The following STMN1 variants were observed in gnomAD, a reference collection of about 807,000 sequenced individuals.
STMN1 encodes the protein stathmin 1.
STMN1 carries 3 observed loss-of-function variants against 19.7 expected under a neutral mutation model. That is an observed-to-expected ratio of 0.15 (90% CI 0.07 to 0.39). The LOEUF is 0.39. STMN1 is among the 10% of genes least tolerant of loss of function. STMN1 has a pLI of 1.00. For missense variants in STMN1, 99 were observed against 176.0 expected (o/e 0.56, Z 2.48); for synonymous variants, 59 against 58.9 (o/e 1.00, Z -0.01).
In STMN1 at chr1:25,903,675, T is replaced by A; in HGVS notation, c.152A>T (p.Gln51Leu). 1 of 1,613,364 alleles carries A rather than the reference T, an allele frequency of 6.2e-7. No homozygotes were observed. The highest frequency in any genetic ancestry group is 8.5e-7 in the Non-Finnish European group (1 of 1,179,992). ...KKKDLSLEEI[Q>L]KKLEAAEERR... ...TTCTTCTGCAGCTTCTAATTTCTTC[T>A]GAATTTCCTCCAGGGAAAGATCCTT... is the stretch of plus-strand genomic sequence containing the variant. Residue 51 changes from glutamine to leucine, a missense_variant, in exon 3 of 5, where the codon CAG becomes CTG. Physicochemically the swap from Gln to Leu is moderately radical, Grantham distance 113 (BLOSUM62 -2). Around this residue, in one of 3 missense-constraint regions of STMN1, gnomAD observed 37 missense variants for 57.9 expected, o/e 0.64. Coordinates refer to ENST00000455785, the MANE Select transcript of STMN1 (RefSeq NM_005563.4).
chr1:25,888,820 T>C (rs183193884), intron 4 of STMN1: 32 of 251,884 alleles, frequency 1.3e-4, no homozygotes, highest in African/African-American at 7.2e-4. Flanking sequence ...TACTTCTAGG[T>C]ATCACGTCTC....
At chr1:25,905,194 T>C (rs2048924278) in intron 1 of STMN1, 1 of 152,990 alleles carries the variant, frequency 6.5e-6, no homozygotes, top group African/African-American at 2.4e-5. Context: ...CCCAAGCTAA[T>C]AGTAACCAAT....
rs1010152176 is a variant in STMN1, at chr1:25,906,053, C to G, written c.-63+336G>C. On this transcript the variant is annotated intron_variant, in intron 1 of 4. Transcript: ENST00000455785. This position sits in a 1 kb window ranked among gnomAD's most constrained non-coding sequence, Gnocchi z 4.5. ...CCCGTCCCTTCAGACAATGGGGAAC[C>G]CGGCGGGGCCCGCAGGGAAGGGAGG... is the stretch of plus-strand genomic sequence containing the variant. 6.6e-6 allele frequency: 1 copy of G among 152,220 alleles called. No individual in the cohort carries two copies. The highest frequency in any genetic ancestry group is 1.5e-5 in the Non-Finnish European group (1 of 68,116). 9.4% of individuals were successfully genotyped at this position (152,220 alleles called of 1,614,324 possible). A position where few individuals can be genotyped will look rare whatever the true frequency, so the allele number is the denominator to read the frequency against.
Position 25,900,752 on chromosome 1 carries a change from C to G in STMN1, c.*264G>C. The G allele has an allele frequency of 7.8e-7, 1 of 1,278,384 alleles. No homozygotes were observed. The highest frequency in any genetic ancestry group is 9.9e-7 in the Non-Finnish European group (1 of 1,011,486). 79.2% of individuals were successfully genotyped at this position (1,278,384 alleles called of 1,614,324 possible). ...AGTACTAGCCATTAACCCAGTACAC[C>G]AAGTGTACTGAAGTAGAAAAGATGC... On this transcript the variant is annotated 3_prime_UTR_variant, in exon 5 of 5. Transcript: ENST00000455785.
chr1:25,900,725 A>G lies in STMN1; in HGVS notation c.*291T>C. The G allele has an allele frequency of 8.5e-7, 1 of 1,174,000 alleles. No homozygotes were observed. Among genetic ancestry groups the G allele is most frequent in the Non-Finnish European group, 1.1e-6 (1 of 949,428 alleles). The allele number at this position is 1,174,000 out of a possible 1,614,324, so 72.7% of individuals were successfully genotyped here. Reference sequence around the variant, plus strand: ...ACAAATATGTTTTCACAGAGCCAATACAGTACTAGCCATTAACCCAGTACA... The same window carrying G: ...ACAAATATGTTTTCACAGAGCCAATGCAGTACTAGCCATTAACCCAGTACA... On this transcript the variant is annotated 3_prime_UTR_variant, in exon 5 of 5. Transcript: ENST00000455785.
At chr1:25,903,439 G>T in intron 3 of STMN1, 2 of 627,996 alleles carry the variant, frequency 3.2e-6, no homozygotes, top group South Asian at 4.1e-5. Flanking sequence ...GCAACACCAT[G>T]TATTAAAGGA....
At chr1:25,891,048 C>G (rs1479843528) in intron 4 of STMN1, among the ~76,000 whole-genome samples, 1 of 151,998 alleles carries the variant, frequency 6.6e-6, no homozygotes, top group Admixed American at 6.6e-5. Context: ...AGGATTCAAT[C>G]GGGGCCGGGC....
chr1:25,904,626 C>T (rs1045574475), intron 2 of STMN1, 38 bp downstream of exon 2: 1 of 1,579,848 alleles, frequency 6.3e-7, no homozygotes, highest in African/African-American at 1.3e-5. Context: ...AAATCATAAG[C>T]CCATTACAAT....
chr1:25,904,366 A>G (rs1057421071), intron 2 of STMN1, among the ~76,000 whole-genome samples: 5 of 152,176 alleles, frequency 3.3e-5, no homozygotes, highest in Non-Finnish European at 7.3e-5. Context: ...ACAAAGCTCA[A>G]CATTTTTGGA....
intron 4 of STMN1, among the ~76,000 whole-genome samples, chr1:25,887,166 G>C (rs1044273910): frequency 1.3e-5 from 2 of 152,172 alleles, no homozygotes; most frequent in African/African-American, 2.4e-5. Context: ...TTAAAAAGTG[G>C]GATGGAGGAA....
intron 4 of STMN1, among the ~76,000 whole-genome samples, chr1:25,889,497 C>T (rs1000918232): frequency 6.6e-6 from 1 of 151,620 alleles, no homozygotes; most frequent in African/African-American, 2.4e-5. Context: ...CACTCAGCTC[C>T]CCAAGGGAAA....
At chr1:25,902,794 A>G in intron 3 of STMN1, 1 of 152,216 alleles carries the variant, frequency 6.6e-6, no homozygotes. Flanking sequence ...ACGACTCCTT[A>G]GTGTAAGCAC....
downstream of STMN1, among the ~76,000 whole-genome samples, chr1:25,895,338 C>G (rs977240928): frequency 6.6e-6 from 1 of 151,676 alleles, no homozygotes; most frequent in Non-Finnish European, 1.5e-5. Context: ...AATTTCCTGA[C>G]CTCGTGATCT....
chr1:25,898,839 A>G (rs1186894028), downstream of STMN1, among the ~76,000 whole-genome samples: 3 of 152,250 alleles, frequency 2.0e-5, no homozygotes, highest in African/African-American at 7.2e-5. Flanking sequence ...GGGAATGCAT[A>G]CCCAGAGACA....
At position 25,885,808 on chromosome 1, in the gene STMN1, CAA is replaced by C; in HGVS notation, c.438_439del (p.Cys147SerfsTer22). 1 of 1,551,726 alleles carries C rather than the reference CAA, an allele frequency of 6.4e-7. No individual in the cohort carries two copies. The highest frequency in any genetic ancestry group is 8.7e-7 in the Non-Finnish European group (1 of 1,147,006). On this transcript the variant is annotated frameshift_variant, in exon 5 of 5. Coordinates refer to the STMN1 transcript ENST00000426559. LOFTEE classifies it low-confidence loss of function (END_TRUNC). ...GCAAAGGGCAGGAACAGAGTGGAGA[CAA>C]GATTGCTCAGCAGAGATCTGTGCTG...
In STMN1 at chr1:25,892,381, T is replaced by TC. The variant is rs558115728; in HGVS notation, c.379-6513_379-6512insG. 3.1e-4 allele frequency: 34 copies of TC among 108,710 alleles called. 1 individual carries two copies. Among genetic ancestry groups the TC allele is most frequent in the Admixed American group, 1.7e-3 (20 of 11,528 alleles). The allele number at this position is 108,710 out of a possible 1,614,324, so 6.7% of individuals were successfully genotyped here. ...TCCAGCCTGGGAGACAGAGCAAGAC[T>TC]TTTTTTTTTTTTTTTTTTTTTAAAT... On this transcript the variant is annotated intron_variant, in intron 4 of 4. Coordinates refer to the STMN1 transcript ENST00000426559.
intron 3 of STMN1, 82 bp downstream of exon 3, chr1:25,903,557 CTG>C (rs2048900135): frequency 4.5e-6 from 7 of 1,545,270 alleles, no homozygotes; most frequent in Non-Finnish European, 6.2e-6. Context: ...AGCTACAATT[CTG>C]TTTTCTTCCT....
chr1:25,901,698 T>G lies in STMN1; in HGVS notation c.187-16A>C. The G allele has an allele frequency of 6.2e-7, 1 of 1,602,460 alleles. No homozygotes were observed. Among genetic ancestry groups the G allele is most frequent in the Non-Finnish European group, 8.5e-7 (1 of 1,175,956 alleles). On this transcript the variant is annotated splice_polypyrimidine_tract_variant and intron_variant, in intron 3 of 4. Coordinates refer to ENST00000455785, the MANE Select transcript of STMN1 (RefSeq NM_005563.4). ...CTTCATGGGACTGGAAAAAAAAGTT[T>G]AATAGGCTAGGCACTCTAAAATGTA...
chr1:25,903,721 G>T lies in STMN1; in HGVS notation c.106C>A (p.Pro36Thr), dbSNP rs1232707773. The T allele has an allele frequency of 6.2e-7, 1 of 1,613,932 alleles. No individual in the cohort carries two copies. Among genetic ancestry groups the T allele is most frequent in the Admixed American group, 1.7e-5 (1 of 60,012 alleles). ...PRSKESVPEF[P>T]LSPPKKKDLS... ...TCCTTCTTCTTTGGAGGGGAAAGGG[G>T]GAATTCTGGAACAGATTCTTTTGAC... The change falls in exon 3 of 5, where the codon CCC becomes ACC. Residue 36 changes from proline to threonine, a missense_variant. Physicochemically the swap from Pro to Thr is conservative, Grantham distance 38. Transcript: ENST00000455785.
Sources: gnomAD v4.1 joint callset for allele counts (sites outside exome capture counted in the v4.1 genomes callset) on GRCh38, gnomAD v4.1.1 for gene constraint, gnomAD v4.1.1 regional missense constraint, Gnocchi (gnomAD v3.1) non-coding constraint, MANE v1.5 for transcripts, NCBI Gene and HGNC (gene_info 2026-07-23, HGNC 2026-07-21) for gene names.